Variants in PRKG1 observed in about 807,000 individuals in gnomAD.
PRKG1 encodes the protein protein kinase cGMP-dependent 1, also known as cGMP-dependent protein kinase 1.
PRKG1 carries 35 observed loss-of-function variants against 88.1 expected under a neutral mutation model. The ratio of observed to expected loss-of-function variants is 0.40; its 90% CI spans 0.30 to 0.53. PRKG1 has a LOEUF of 0.53. Ranked by LOEUF, PRKG1 falls within the 20% of genes least tolerant of loss-of-function variation. PRKG1 has a pLI of 0.59. For synonymous variants in PRKG1, 303 were observed against 292.5 expected, an observed-to-expected ratio of 1.04 and a Z score of -0.37; for missense variants, 540 against 839.8, an observed-to-expected ratio of 0.64 and a Z score of 4.41.
intron 5 of PRKG1, among the ~76,000 whole-genome samples, chr10:51,991,393 A>T (rs1192071818): frequency 2.6e-5 from 4 of 151,612 alleles, no homozygotes; most frequent in South Asian, 2.1e-4. Context: ...TTTTTTTTTT[A>T]AATATACTTT....
chr10:51,621,135 C>T (rs1467007038), intron 3 of PRKG1, among the ~76,000 whole-genome samples: 5 of 150,748 alleles, frequency 3.3e-5, no homozygotes, highest in Non-Finnish European at 7.4e-5. Flanking sequence ...TTCTACCATG[C>T]GTGATCCACG....
At chr10:51,093,492 C>A (rs993390844) in intron 1 of PRKG1, among the ~76,000 whole-genome samples, 1 of 152,008 alleles carries the variant, frequency 6.6e-6, no homozygotes, top group African/African-American at 2.4e-5. Context: ...CTGCCTTTCA[C>A]TTCCAGGAGA....
In PRKG1 at chr10:52,171,334, A is replaced by G. The variant is rs188941906; in HGVS notation, c.1076+9371A>G. Among the ~76,000 whole-genome samples, 10 of 152,298 alleles carry G rather than the reference A, an allele frequency of 6.6e-5. No homozygotes were observed. In the East Asian group the frequency reaches 1.7e-3, roughly 26 times the overall value. ...CTTCCAAAATGGGAACGATATGTCA[A>G]TTAAATAGACAAAACACTGAGAATG... On this transcript the variant is annotated intron_variant, in intron 9 of 17. Coordinates refer to ENST00000373980, the MANE Select transcript of PRKG1 (RefSeq NM_006258.4).
rs149493765 is a variant in PRKG1 at position 52,012,069 on chromosome 10, A to G, written c.763-42415A>G. Among the ~76,000 whole-genome samples the G allele has an allele frequency of 9.2e-3, 1,401 of 152,192 alleles. 23 individuals are homozygous for G. Among genetic ancestry groups the G allele is most frequent in the South Asian group, 0.012 (60 of 4,808 alleles). On this transcript the variant is annotated intron_variant, in intron 5 of 17. Coordinates refer to ENST00000373980, the MANE Select transcript of PRKG1 (RefSeq NM_006258.4). ...GTATGTCTTTATCAGCAGCATGAAA[A>G]TTGACTAATACACCTCTCTTTCACT...
chr10:52,058,569 G>A lies in PRKG1; in HGVS notation c.841-3968G>A, dbSNP rs376708967. On this transcript the variant is annotated intron_variant, in intron 6 of 17. Coordinates refer to ENST00000373980, the MANE Select transcript of PRKG1 (RefSeq NM_006258.4). The stretch of plus-strand genomic sequence containing the variant: ...AAATGAAAGTAACTGACAGCAAAAG[G>A]AAAGTCTTTTCAACAAATGGTGATG... Among the ~76,000 whole-genome samples, 35 of 152,076 alleles carry A rather than the reference G, an allele frequency of 2.3e-4. 1 individual carries two copies. In the East Asian group the frequency reaches 3.3e-3, roughly 14 times the overall value.
At chr10:52,278,740 TA>T (rs1054530961) in intron 12 of PRKG1, among the ~76,000 whole-genome samples, 2 of 151,726 alleles carry the variant, frequency 1.3e-5, no homozygotes, top group Non-Finnish European at 2.9e-5. Flanking sequence ...CCATCTCTAC[TA>T]AACTTAAAAA....
At chr10:52,086,088 A>G (rs547077423) in intron 7 of PRKG1, among the ~76,000 whole-genome samples, 1 of 151,884 alleles carries the variant, frequency 6.6e-6, no homozygotes, top group Non-Finnish European at 1.5e-5. Context: ...GATTCACTTC[A>G]GGTCTTTTTC....
At chr10:51,475,641 G>A (rs960660560) in intron 3 of PRKG1, among the ~76,000 whole-genome samples, 3 of 151,894 alleles carry the variant, frequency 2.0e-5, no homozygotes, top group African/African-American at 7.3e-5. Context: ...TTTCTTTTAA[G>A]GAGTAAAACA....
intron 8 of PRKG1, among the ~76,000 whole-genome samples, chr10:52,143,146 A>T (rs1300654610): frequency 6.6e-6 from 1 of 152,176 alleles, no homozygotes; most frequent in East Asian, 1.9e-4. Context: ...TAGCAGCTAT[A>T]AGGAGTATTC....
chr10:51,079,402 G>C (rs192434903), intron 1 of PRKG1, among the ~76,000 whole-genome samples: 14 of 152,286 alleles, frequency 9.2e-5, no homozygotes, highest in African/African-American at 2.6e-4. Flanking sequence ...ATTTGAAGAA[G>C]GGCTATGATT....
intron 3 of PRKG1, among the ~76,000 whole-genome samples, chr10:51,674,694 A>C (rs1840667394): frequency 6.6e-6 from 1 of 152,218 alleles, no homozygotes; most frequent in Admixed American, 6.5e-5. Context: ...ATTTCAACTC[A>C]ATGTACTGCT....
At chr10:51,695,946 TTAC>T (rs1396062976) in intron 3 of PRKG1, 1 of 152,210 alleles carries the variant, frequency 6.6e-6, no homozygotes, top group Admixed American at 6.5e-5. Flanking sequence ...TATGCTTTTA[TTAC>T]TACTTGTTTT....
chr10:51,440,421 T>A (rs906496980), intron 2 of PRKG1, among the ~76,000 whole-genome samples: 2 of 151,864 alleles, frequency 1.3e-5, no homozygotes, highest in Non-Finnish European at 2.9e-5. Context: ...ACACTAGAAT[T>A]TTTTCAGATC....
intron 2 of PRKG1, among the ~76,000 whole-genome samples, chr10:51,433,941 T>C (rs896472870): frequency 2.6e-5 from 4 of 152,044 alleles, no homozygotes; most frequent in African/African-American, 9.7e-5. Flanking sequence ...AAACAGGTAT[T>C]AAAACCTTTA....
intron 5 of PRKG1, among the ~76,000 whole-genome samples, chr10:51,998,099 A>G (rs1359391642): frequency 6.6e-6 from 1 of 152,234 alleles, no homozygotes; most frequent in African/African-American, 2.4e-5. Flanking sequence ...GTGTATATTT[A>G]AAATCATGAA....
intron 9 of PRKG1, among the ~76,000 whole-genome samples, chr10:52,169,587 G>T (rs1838599948): frequency 6.6e-6 from 1 of 152,160 alleles, no homozygotes; most frequent in South Asian, 2.1e-4. Flanking sequence ...CTTCAAGAAT[G>T]GGGGAAGAAA....
At chr10:52,166,839 G>GTATATATATGTATA (rs1589666380) in intron 9 of PRKG1, among the ~76,000 whole-genome samples, 1,073 of 90,446 alleles carry the variant, frequency 0.012, 37 homozygotes, top group East Asian at 0.03. Flanking sequence ...GTATATATAT[G>GTATATATATGTATA]TATATATATG....
chr10:52,026,846 G>T (rs1845352785), intron 5 of PRKG1, among the ~76,000 whole-genome samples: 1 of 152,120 alleles, frequency 6.6e-6, no homozygotes, highest in Non-Finnish European at 1.5e-5. Context: ...GTGGTGGTGA[G>T]CATCTGTAGT....
chr10:51,634,356 G>A (rs1395490026), intron 3 of PRKG1, among the ~76,000 whole-genome samples: 2 of 152,024 alleles, frequency 1.3e-5, no homozygotes, highest in Non-Finnish European at 2.9e-5. Flanking sequence ...TGGAAAGTAG[G>A]ATACATGAGA....
Sources: allele counts gnomAD v4.1 joint callset (sites outside exome capture counted in the v4.1 genomes callset), GRCh38; gene constraint gnomAD v4.1.1; transcripts MANE v1.5; gene names NCBI Gene and HGNC (gene_info 2026-07-23, HGNC 2026-07-21).